The following TNXB variants were observed in gnomAD, a reference collection of about 807,000 sequenced individuals.
The protein encoded by TNXB is tenascin XB.
A neutral mutation model predicts 340.5 loss-of-function variants in TNXB; 183 were observed. The observed-to-expected ratio is 0.54, with a 90% CI of 0.48 to 0.61. The LOEUF (loss-of-function observed/expected upper bound fraction) is 0.61. Ranked by LOEUF, TNXB falls within the 20% of genes least tolerant of loss-of-function variation. TNXB has a pLI of 0.00. For synonymous variants in TNXB, 2,121 were observed against 2,314.5 expected (o/e 0.92, Z 2.40); for missense variants, 4,613 against 5,446.4 (o/e 0.85, Z 4.82).
intron 24 of TNXB, among the ~76,000 whole-genome samples, chr6:32,055,506 C>T (rs886892894): frequency 2.6e-5 from 4 of 152,174 alleles, no homozygotes; most frequent in Non-Finnish European, 4.4e-5. Flanking sequence ...TCTTCCTTCA[C>T]GGCCCCTAGT....
chr6:32,088,141 T>TC (rs1203469449), intron 6 of TNXB, among the ~76,000 whole-genome samples: 3 of 151,846 alleles, frequency 2.0e-5, no homozygotes, highest in Admixed American at 6.6e-5. Context: ...CGGAGGGAAA[T>TC]CGGTCAGTGT....
Position 32,048,109 on chromosome 6 carries a change from C to T in TNXB, c.10046-97G>A, listed in dbSNP as rs552884194. The T allele has an allele frequency of 2.0e-5, 28 of 1,434,248 alleles. 1 individual carries two copies. The African/African-American group carries it at 2.4e-4, about 12-fold the overall frequency. The allele number at this position is 1,434,248 out of a possible 1,614,324, so 88.8% of individuals were successfully genotyped here. A position where few individuals can be genotyped will look rare whatever the true frequency, so the allele number is the denominator to read the frequency against. The stretch of plus-strand genomic sequence containing the variant: ...TGGCTCTGTGAGCCGGTCCCAGGAA[C>T]GGGAGGGTGACTGGGCCAGGAGTAG... On this transcript the variant is annotated intron_variant, in intron 29 of 43. Transcript: ENST00000644971.
In TNXB at chr6:32,053,665, G is replaced by C; in HGVS notation, c.8514C>G (p.Thr2838=). 1 of 1,613,232 alleles carries C rather than the reference G, an allele frequency of 6.2e-7. No homozygotes were observed. Among genetic ancestry groups the C allele is most frequent in the Non-Finnish European group, 8.5e-7 (1 of 1,179,784 alleles). ...AETTQAVPTT[T]PEPPNKPRLG... is the part of the protein sequence containing the mutation. ...GGCGAGGCTTGTTGGGGGGCTCAGG[G>C]GTTGTGGTGGGCACTGCTTGGGTGG... Residue 2838 remains threonine (T), a synonymous_variant, in exon 25 of 44, where the codon ACC becomes ACG. Transcript: ENST00000644971.
At chr6:32,098,311 A>G in intron 1 of TNXB, 105 bp from the exon 2 acceptor site, 1 of 949,070 alleles carries the variant, frequency 1.1e-6, no homozygotes. Flanking sequence ...CAAGTAATCT[A>G]CCCAACTCAC....
rs1375130320 is a variant in TNXB, at chr6:32,067,184, A to AAAGAAAGAAAG, written c.6544+476_6544+477insCTTTCTTTCTT. ...GAAAGAAAGAAAGAAAGAAAGAAAG[A>AAAGAAAGAAAG]AAACATTCTAGTGATTCTAGTGGAG... On this transcript the variant is annotated intron_variant, in intron 18 of 43. Transcript: ENST00000644971. This position sits in a 1 kb window ranked among gnomAD's most constrained non-coding sequence, Gnocchi z 4.2. 6.6e-6 allele frequency among the ~76,000 whole-genome samples: 1 copy of AAAGAAAGAAAG among 151,068 alleles called. No homozygotes were observed. The highest frequency in any genetic ancestry group is 1.5e-5 in the Non-Finnish European group (1 of 67,750).
chr6:32,057,361 T>A (rs1777729967), intron 22 of TNXB, among the ~76,000 whole-genome samples: 1 of 151,966 alleles, frequency 6.6e-6, no homozygotes, highest in Non-Finnish European at 1.5e-5. Context: ...TACCCTGAAT[T>A]CCCCTGGATA....
rs1225270143 is a variant in TNXB, at chr6:32,082,201, C to A, written c.3571G>T (p.Val1191Phe). The stretch of plus-strand genomic sequence containing the variant: ...CGTCCATCCCTGTCCCTGTACTGGA[C>A]CATGAAGGTGTCAAACTGGCCCTCA... ...VPEGQFDTFM[V>F]QYRDRDGRPQ... Residue 1191 changes from valine (V) to phenylalanine (F), a missense_variant, in exon 9 of 44, where the codon GTC becomes TTC. This residue lies in a region of TNXB where 4,327 missense variants were observed against 4,859.4 expected (regional missense o/e 0.89). Coordinates refer to ENST00000644971, the MANE Select transcript of TNXB (RefSeq NM_001365276.2). The surrounding 1 kb of genome is among the most constrained non-coding windows in gnomAD (Gnocchi z 5.0). The A allele has an allele frequency of 6.2e-7, 1 of 1,612,418 alleles. No individual in the cohort carries two copies. The highest frequency in any genetic ancestry group is 1.7e-5 in the Admixed American group (1 of 60,026).
chr6:32,050,362 T>G lies in TNXB; in HGVS notation c.9116-41A>C, dbSNP rs182737877. ...TGGGGACAGTGAGGACCCTGGGTTC[T>G]CAGTTCAGCATAGAAAGGATGTGTC... On this transcript the variant is annotated intron_variant, in intron 26 of 43. Transcript: ENST00000644971. 3.9e-3 allele frequency: 6,205 copies of G among 1,602,176 alleles called. 35 individuals carry two copies. Among genetic ancestry groups the G allele is most frequent in the Non-Finnish European group, 3.5e-3 (4,062 of 1,171,632 alleles).
rs1777629954 is a variant in TNXB, at chr6:32,056,179, G to C, written c.8144-5C>G. On this transcript the variant is annotated splice_region_variant and splice_polypyrimidine_tract_variant and intron_variant, in intron 23 of 43. Transcript: ENST00000644971. ...TGGGGGTCTCTTCCTCTGCAGCTGA[G>C]AAAAGGAGATATAGAGAGGATGCCA... The C allele has an allele frequency of 1.9e-6, 3 of 1,610,420 alleles. No homozygotes were observed. The highest frequency in any genetic ancestry group is 2.5e-6 in the Non-Finnish European group (3 of 1,178,268).
intron 4 of TNXB, among the ~76,000 whole-genome samples, chr6:32,094,396 A>T (rs1780220681): frequency 6.6e-6 from 1 of 152,008 alleles, no homozygotes; most frequent in South Asian, 2.1e-4. Context: ...GGCCTATATT[A>T]CTTTTATAAT....
Position 32,064,703 on chromosome 6 carries a change from C to T in TNXB, c.6841+118G>A. ...GAGTGAAGGCACCAGCAGAACCATT[C>T]CCAGGAGCTTGGGAGGCTTGGTCTC... On this transcript the variant is annotated intron_variant, in intron 19 of 43. Transcript: ENST00000644971. The surrounding 1 kb of genome is among the most constrained non-coding windows in gnomAD (Gnocchi z 5.3). 5 of 1,396,108 alleles carry T rather than the reference C, an allele frequency of 3.6e-6. No homozygotes were observed. In the Admixed American group the frequency reaches 7.4e-5, roughly 21 times the overall value. The allele number at this position is 1,396,108 out of a possible 1,614,324, so 86.5% of individuals were successfully genotyped here.
In TNXB at chr6:32,098,006, C is replaced by T; in HGVS notation, c.193G>A (p.Glu65Lys). 6.2e-7 allele frequency: 1 copy of T among 1,607,476 alleles called. No individual in the cohort carries two copies. The highest frequency in any genetic ancestry group is 1.3e-5 in the African/African-American group (1 of 75,056). ...PSSQLYEHTV[E>K]GGEKQVVFTH... ...AATACCACCTGCTTCTCCCCTCCTTCCACTGTGTGCTCGTAAAGCTGAGAA... is the reference window on the plus strand; with the variant it reads ...AATACCACCTGCTTCTCCCCTCCTTTCACTGTGTGCTCGTAAAGCTGAGAA... Residue 65 changes from glutamate to lysine, a missense_variant, in exon 2 of 44, where the codon GAA (glutamate) becomes AAA (lysine). Physicochemically the swap from Glu to Lys is moderately conservative, Grantham distance 56. Around this residue, in one of 7 missense-constraint regions of TNXB, gnomAD observed 4,327 missense variants for 4,859.4 expected, o/e 0.89. Transcript: ENST00000644971.
chr6:32,070,236 C>T lies in TNXB; in HGVS notation c.5169G>A (p.Glu1723=). ...GPQVVPVEGH[E]RSVTVTPLDA... is the part of the protein sequence containing the mutation. ...CCAGAGGGGTGACAGTGACAGAGCG[C>T]TCATGGCCCTCCACGGGCACCACCT... is the stretch of plus-strand genomic sequence containing the variant. Residue 1723 remains glutamate, a synonymous_variant, in exon 14 of 44, where the codon GAG becomes GAA. Coordinates refer to ENST00000644971, the MANE Select transcript of TNXB (RefSeq NM_001365276.2). The surrounding 1 kb of genome is among the most constrained non-coding windows in gnomAD (Gnocchi z 6.0). 6.2e-7 allele frequency: 1 copy of T among 1,609,200 alleles called. No homozygotes were observed. Among genetic ancestry groups the T allele is most frequent in the Non-Finnish European group, 8.5e-7 (1 of 1,177,962 alleles).
At position 32,087,668 on chromosome 6, in the gene TNXB, G is replaced by A. The variant is rs1167704458; in HGVS notation, c.2779+1117C>T. On this transcript the variant is annotated intron_variant, in intron 6 of 43. Coordinates refer to ENST00000644971, the MANE Select transcript of TNXB (RefSeq NM_001365276.2). The surrounding 1 kb of genome is among the most constrained non-coding windows in gnomAD (Gnocchi z 9.0). Reference sequence around the variant, plus strand: ...GAGCCGGCTGGGGCGGCGGCCAACAGACGCCGCTGCAAGTATTCATGGATG... The same window carrying A: ...GAGCCGGCTGGGGCGGCGGCCAACAAACGCCGCTGCAAGTATTCATGGATG... 6.8e-6 allele frequency: 3 copies of A among 438,020 alleles called. No homozygotes were observed. Among genetic ancestry groups the A allele is most frequent in the South Asian group, 4.8e-5 (3 of 62,866 alleles). 27.1% of individuals were successfully genotyped at this position (438,020 alleles called of 1,614,324 possible). A position where few individuals can be genotyped will look rare whatever the true frequency, so the allele number is the denominator to read the frequency against.
intron 6 of TNXB, 137 bp from the exon 7 acceptor site, chr6:32,086,255 T>C (rs1014421800): frequency 9.6e-7 from 1 of 1,047,102 alleles, no homozygotes; most frequent in Non-Finnish European, 1.3e-6. Context: ...CCTGGGCCAC[T>C]CCCTCCTCCC....
At position 32,090,004 on chromosome 6, in the gene TNXB, T is replaced by G. The variant is rs1473159345; in HGVS notation, c.2359-625A>C. On this transcript the variant is annotated intron_variant, in intron 4 of 43. Coordinates refer to ENST00000644971, the MANE Select transcript of TNXB (RefSeq NM_001365276.2). This position sits in a 1 kb window ranked among gnomAD's most constrained non-coding sequence, Gnocchi z 4.3. ...CTCCTCGTAGATGCCTGCTCATGGC[T>G]GTGTAACAGGAGTGGGACCCGCATC... Among the ~76,000 whole-genome samples, 1 of 152,224 alleles carries G rather than the reference T, an allele frequency of 6.6e-6. No individual in the cohort carries two copies. Among genetic ancestry groups the G allele is most frequent in the Non-Finnish European group, 1.5e-5 (1 of 68,042 alleles).
intron 33 of TNXB, 24 bp from the exon 34 acceptor site, chr6:32,044,153 G>T (rs1354793559): frequency 1.4e-6 from 2 of 1,469,502 alleles, no homozygotes; most frequent in Non-Finnish European, 1.9e-6. Context: ...AAGGAACAAT[G>T]ACGCAGGCAG....
In TNXB at chr6:32,048,468, C is replaced by T. The variant is rs781006617; in HGVS notation, c.9940G>A (p.Ala3314Thr). The part of the protein sequence containing the change: ...QAVPVSGDLR[A>T]VAVSGLDPAR... ...GGGTCCAGCCCCGAGACGGCGACCG[C>T]TCGGAGGTCTCCGCTCACAGGCACT... Residue 3314 changes from alanine to threonine, a missense_variant, in exon 29 of 44, where the codon GCG (alanine) becomes ACG (threonine). This residue lies in a region of TNXB where 4,327 missense variants were observed against 4,859.4 expected (regional missense o/e 0.89). Coordinates refer to ENST00000644971, the MANE Select transcript of TNXB (RefSeq NM_001365276.2). 1.3e-6 allele frequency: 2 copies of T among 1,599,502 alleles called. No homozygotes were observed. The highest frequency in any genetic ancestry group is 1.7e-6 in the Non-Finnish European group (2 of 1,173,574).
rs568613138 is a variant in TNXB, at chr6:32,081,443, G to C, written c.3967C>G (p.Arg1323Gly). The change falls in exon 10 of 44, where the codon CGG (arginine) becomes GGG (glycine). Residue 1323 changes from arginine to glycine, a missense_variant. This residue lies in a region of TNXB where 4,327 missense variants were observed against 4,859.4 expected (regional missense o/e 0.89). Coordinates refer to ENST00000644971, the MANE Select transcript of TNXB (RefSeq NM_001365276.2). The surrounding 1 kb of genome is among the most constrained non-coding windows in gnomAD (Gnocchi z 5.1). The stretch of plus-strand genomic sequence containing the variant: ...CCGTAGAGGTTCATCTTATACTTCC[G>C]GTCGGGATCCAGGCCGGGGACAGTA... The part of the protein sequence containing the change: ...EVTVPGLDPD[R>G]KYKMNLYGLR... The C allele has an allele frequency of 1.3e-6, 2 of 1,577,846 alleles. No individual in the cohort carries two copies. Among genetic ancestry groups the C allele is most frequent in the Non-Finnish European group, 1.7e-6 (2 of 1,161,668 alleles).
Sources: allele counts gnomAD v4.1 joint callset (sites outside exome capture counted in the v4.1 genomes callset), GRCh38; gene constraint gnomAD v4.1.1; regional missense constraint gnomAD v4.1.1; non-coding constraint Gnocchi (gnomAD v3.1); transcripts MANE v1.5; gene names NCBI Gene and HGNC (gene_info 2026-07-23, HGNC 2026-07-21).